UGT2A1: variants seen among roughly 807,000 people sequenced by gnomAD.
UGT2A1 encodes UDP glucuronosyltransferase family 2 member A1 complex locus, also known as UDP-glucuronosyltransferase 2A1.
UGT2A1 carries 61 observed loss-of-function variants against 45.4 expected under a neutral mutation model. The observed-to-expected ratio is 1.34, with a 90% CI of 1.09 to 1.66. The LOEUF (loss-of-function observed/expected upper bound fraction) is 1.66. Ranked by LOEUF, UGT2A1 falls within the 40% of genes most tolerant of loss-of-function variation. UGT2A1 has a pLI of 0.00. For missense variants in UGT2A1, 649 were observed against 574.3 expected (o/e 1.13, Z -1.33); for synonymous variants, 229 against 196.2 (o/e 1.17, Z -1.40).
chr4:69,621,544 T>A (rs1429690750), intron 3 of UGT2A1, among the ~76,000 whole-genome samples: 1 of 151,666 alleles, frequency 6.6e-6, no homozygotes, highest in Admixed American at 6.6e-5. Context: ...CAGCTATAAA[T>A]GGTTGGTAGA....
intron 4 of UGT2A1, among the ~76,000 whole-genome samples, chr4:69,596,672 C>T (rs1183531530): frequency 1.3e-5 from 2 of 152,114 alleles, no homozygotes; most frequent in African/African-American, 4.8e-5. Flanking sequence ...TAGTCTCATG[C>T]CATCGTGTCT....
At chr4:69,593,274 ACT>A (rs1228829829) in intron 6 of UGT2A1, among the ~76,000 whole-genome samples, 1 of 151,966 alleles carries the variant, frequency 6.6e-6, no homozygotes, top group African/African-American at 2.4e-5. Flanking sequence ...AACGGTGAAC[ACT>A]GAGTCCCTTA....
intron 3 of UGT2A1, among the ~76,000 whole-genome samples, chr4:69,628,861 A>C (rs1249883716): frequency 6.6e-6 from 1 of 151,568 alleles, no homozygotes; most frequent in African/African-American, 2.4e-5. Context: ...TCTATATTGA[A>C]ATTCAAAGGA....
At chr4:69,602,054 C>G (rs1388894841) in intron 3 of UGT2A1, among the ~76,000 whole-genome samples, 1 of 136,348 alleles carries the variant, frequency 7.3e-6, no homozygotes, top group Non-Finnish European at 1.6e-5. Context: ...GATGCTGTTA[C>G]AGTTAAAATG....
At chr4:69,609,780 G>C (rs1488021754) in intron 3 of UGT2A1, among the ~76,000 whole-genome samples, 1 of 152,130 alleles carries the variant, frequency 6.6e-6, no homozygotes, top group Non-Finnish European at 1.5e-5. Context: ...GAGACACATA[G>C]CAAATGTTCA....
chr4:69,601,344 C>A (rs548537653), intron 3 of UGT2A1, among the ~76,000 whole-genome samples: 1 of 152,124 alleles, frequency 6.6e-6, no homozygotes, highest in East Asian at 1.9e-4. Flanking sequence ...GGTGGCTTAA[C>A]AGAAAGGACA....
intron 2 of UGT2A1, chr4:69,639,556 T>C: frequency 6.2e-7 from 1 of 1,612,570 alleles, no homozygotes; most frequent in Non-Finnish European, 8.5e-7. Context: ...ACATTCCCAC[T>C]TAGAACAACT....
intron 1 of UGT2A1, among the ~76,000 whole-genome samples, chr4:69,648,298 T>TTA (rs3074344): frequency 1 from 150,399 of 150,478 alleles, 75,160 homozygotes; most frequent in Middle Eastern, 1. Context: ...CAAAAATAGT[T>TTA]TGTTAATCCT....
intron 2 of UGT2A1, among the ~76,000 whole-genome samples, chr4:69,638,523 T>A (rs1425730759): frequency 6.6e-6 from 1 of 152,084 alleles, no homozygotes; most frequent in Non-Finnish European, 1.5e-5. Flanking sequence ...AAGAAAATAA[T>A]GAAGGACAAA....
At chr4:69,594,764 A>C in intron 5 of UGT2A1, 68 bp from the exon 6 acceptor site, 1 of 1,524,440 alleles carries the variant, frequency 6.6e-7, no homozygotes, top group Non-Finnish European at 8.9e-7. Flanking sequence ...GAGAGACAGA[A>C]GGGGTCAAAA....
chr4:69,595,846 G>A (rs143095727), intron 4 of UGT2A1, among the ~76,000 whole-genome samples: 2 of 152,020 alleles, frequency 1.3e-5, no homozygotes, highest in Admixed American at 6.6e-5. Context: ...CTAGACATTC[G>A]AATTATATTT....
chr4:69,632,189 G>C (rs1226958094), intron 3 of UGT2A1, among the ~76,000 whole-genome samples: 2 of 152,072 alleles, frequency 1.3e-5, no homozygotes, highest in African/African-American at 4.8e-5. Flanking sequence ...AAGGTTCAAG[G>C]TGTTTTGATA....
intron 3 of UGT2A1, among the ~76,000 whole-genome samples, chr4:69,601,211 A>AC (rs1475705941): frequency 6.6e-6 from 1 of 152,048 alleles, no homozygotes; most frequent in Admixed American, 6.6e-5. Flanking sequence ...CTGGAACATT[A>AC]CCCCAACAGC....
intron 3 of UGT2A1, among the ~76,000 whole-genome samples, chr4:69,620,709 G>A (rs550998322): frequency 8.2e-5 from 12 of 146,978 alleles, no homozygotes; most frequent in Non-Finnish European, 1.6e-4. Flanking sequence ...AAAGAACGAA[G>A]ATGGAGTCAT....
At position 69,639,004 on chromosome 4, in the gene UGT2A1, T is replaced by C. The variant is rs202241694; in HGVS notation, c.716-3182A>G. 387 of 1,613,194 alleles carry C rather than the reference T, an allele frequency of 2.4e-4. No individual in the cohort carries two copies. Among genetic ancestry groups the C allele is most frequent in the Non-Finnish European group, 3.0e-4 (352 of 1,179,588 alleles). On this transcript the variant is annotated intron_variant, in intron 2 of 6. Coordinates refer to ENST00000286604, the MANE Select transcript of UGT2A1 (RefSeq NM_001252275.3). ...TTTTTAATCCTTTCACCAAAGGTCA[T>C]CTGGTCAGTGAGCTCTGATAAGGCT... is the stretch of plus-strand genomic sequence containing the variant.
chr4:69,627,521 GAAGA>G (rs958467171), intron 3 of UGT2A1, among the ~76,000 whole-genome samples: 14 of 126,268 alleles, frequency 1.1e-4, no homozygotes, highest in South Asian at 2.6e-4. Flanking sequence ...AAGAAAGAAA[GAAGA>G]AAGAAAGAAA....
At chr4:69,619,469 T>C (rs1295260406) in intron 3 of UGT2A1, among the ~76,000 whole-genome samples, 2 of 150,902 alleles carry the variant, frequency 1.3e-5, no homozygotes, top group Admixed American at 6.6e-5. Context: ...CAAAAGTAAA[T>C]TGCAGTCTTA....
Position 69,647,501 on chromosome 4 carries a change from A to G in UGT2A1, c.144T>C (p.His48=), listed in dbSNP as rs1722333013. 4 of 1,613,052 alleles carry G rather than the reference A, an allele frequency of 2.5e-6. No individual in the cohort carries two copies. Among genetic ancestry groups the G allele is most frequent in the Non-Finnish European group, 2.5e-6 (3 of 1,179,316 alleles). The change falls in exon 2 of 7, where the codon CAT becomes CAC. Residue 48 remains histidine (H), a synonymous_variant. Transcript: ENST00000286604. ...IIIDELIKKE[H]NVTVLVASGA... ...CAGAGGCAACTAGGACAGTCACATT[A>G]TGCTCCTTTTTAATGAGCTCATCTA...
At chr4:69,601,839 C>T (rs1231414284) in intron 3 of UGT2A1, among the ~76,000 whole-genome samples, 6 of 136,036 alleles carry the variant, frequency 4.4e-5, no homozygotes, top group Non-Finnish European at 6.2e-5. Context: ...ACTGGGTGGC[C>T]AGGTCTAGAG....
Sources: gnomAD v4.1 joint callset for allele counts (sites outside exome capture counted in the v4.1 genomes callset) on GRCh38, gnomAD v4.1.1 for gene constraint, MANE v1.5 for transcripts, NCBI Gene and HGNC (gene_info 2026-07-23, HGNC 2026-07-21) for gene names.